The following SDK1 variants were observed in gnomAD, a reference collection of about 807,000 sequenced individuals.
SDK1 encodes the protein sidekick cell adhesion molecule 1, also known as protein sidekick-1.
A neutral mutation model predicts 245.5 loss-of-function variants in SDK1; 157 were observed. The ratio of observed to expected loss-of-function variants is 0.64; its 90% CI spans 0.56 to 0.73. The LOEUF (loss-of-function observed/expected upper bound fraction) is 0.73. SDK1 is among the 30% of genes least tolerant of loss of function. The probability of loss-of-function intolerance (pLI) is 0.00; values close to 1 mark genes in which losing one functional copy is unlikely to be tolerated. For missense variants in SDK1, 3,583 were observed against 3,002.3 expected, an observed-to-expected ratio of 1.19 and a Z score of -4.52; for synonymous variants, 1,647 against 1,278.5, an observed-to-expected ratio of 1.29 and a Z score of -6.15.
chr7:3,381,905 C>G (rs1334465917), intron 1 of SDK1, among the ~76,000 whole-genome samples: 1 of 152,104 alleles, frequency 6.6e-6, no homozygotes, highest in African/African-American at 2.4e-5. Flanking sequence ...TTTTAGTTGA[C>G]ATTTTTGAAT....
rs1779900613 is a variant in SDK1 at position 3,831,032 on chromosome 7, C to T, written c.847+9449C>T. On this transcript the variant is annotated intron_variant, in intron 5 of 44. Transcript: ENST00000404826. The stretch of plus-strand genomic sequence containing the variant: ...TCATTGAAGTACTTTGTCTACTCTC[C>T]TTGTCTCTGTAATTGATATGAAAGA... Among the ~76,000 whole-genome samples, 4 of 152,214 alleles carry T rather than the reference C, an allele frequency of 2.6e-5. No individual in the cohort carries two copies. The South Asian group carries it at 8.3e-4, about 32-fold the overall frequency.
intron 1 of SDK1, among the ~76,000 whole-genome samples, chr7:3,425,614 A>C (rs144434786): frequency 6.6e-6 from 1 of 152,236 alleles, no homozygotes; most frequent in South Asian, 2.1e-4. Flanking sequence ...ATGGGAATGA[A>C]CAATACAACT....
Position 4,265,831 on chromosome 7 carries a change from C to A in SDK1, c.*447C>A. On this transcript the variant is annotated 3_prime_UTR_variant, in exon 45 of 45. Transcript: ENST00000404826. ...TCTTCCAGAGAACCAGCGGCTCACA[C>A]CCTTCTCAACGCAGGACATCCTCGG... 1 of 995,980 alleles carries A rather than the reference C, an allele frequency of 1.0e-6. No individual in the cohort carries two copies. The highest frequency in any genetic ancestry group is 4.6e-5 in the South Asian group (1 of 21,574). 61.7% of individuals were successfully genotyped at this position (995,980 alleles called of 1,614,324 possible).
chr7:3,797,309 C>T (rs888879913), intron 4 of SDK1, among the ~76,000 whole-genome samples: 1 of 151,568 alleles, frequency 6.6e-6, no homozygotes, highest in Non-Finnish European at 1.5e-5. Flanking sequence ...AAAGGTTCAT[C>T]TTTTCCTGTT....
In SDK1 at chr7:4,264,303, G is replaced by A. The variant is rs1412528776; in HGVS notation, c.6382-821G>A. On this transcript the variant is annotated intron_variant, in intron 44 of 44. Coordinates refer to ENST00000404826, the MANE Select transcript of SDK1 (RefSeq NM_152744.4). ...GACCTCTCCTGAGTGGGGAGGCCGT[G>A]TAGACCTCTCCTGAGTGAGGGAGGC... Among the ~76,000 whole-genome samples the A allele has an allele frequency of 3.0e-5, 4 of 133,564 alleles. 1 individual carries two copies. The highest frequency in any genetic ancestry group is 8.7e-5 in the African/African-American group (3 of 34,656). The allele number at this position is 133,564 out of a possible 152,430, so 87.6% of individuals were successfully genotyped here. A position where few individuals can be genotyped will look rare whatever the true frequency, so the allele number is the denominator to read the frequency against.
At chr7:3,433,541 C>G (rs923625524) in intron 1 of SDK1, among the ~76,000 whole-genome samples, 4 of 152,084 alleles carry the variant, frequency 2.6e-5, no homozygotes, top group African/African-American at 4.8e-5. Context: ...ATTTCTTCTT[C>G]CTCTTCCTTA....
chr7:3,774,796 C>G (rs947335257), intron 4 of SDK1, among the ~76,000 whole-genome samples: 6 of 152,078 alleles, frequency 3.9e-5, no homozygotes, highest in Admixed American at 6.5e-5. Context: ...ACTCTTTGTC[C>G]AGCCTTATAA....
At chr7:3,420,940 G>A (rs1228597045) in intron 1 of SDK1, among the ~76,000 whole-genome samples, 1 of 152,048 alleles carries the variant, frequency 6.6e-6, no homozygotes, top group African/African-American at 2.4e-5. Context: ...AGTGTGTGTT[G>A]TTCCCCTCCC....
chr7:3,605,969 C>G (rs1011328033), intron 1 of SDK1, among the ~76,000 whole-genome samples: 1 of 151,880 alleles, frequency 6.6e-6, no homozygotes, highest in Non-Finnish European at 1.5e-5. Flanking sequence ...CCAGATGTTA[C>G]TTTTGAAAGA....
intron 2 of SDK1, among the ~76,000 whole-genome samples, chr7:3,631,836 A>AT (rs1782303077): frequency 1.3e-5 from 2 of 152,370 alleles, no homozygotes; most frequent in South Asian, 4.1e-4. Context: ...ACTCTGTAAC[A>AT]TAATTCATTG....
chr7:3,574,362 C>T (rs559683112), intron 1 of SDK1, among the ~76,000 whole-genome samples: 14 of 152,098 alleles, frequency 9.2e-5, no homozygotes, highest in South Asian at 6.2e-4. Flanking sequence ...ATGATTCGCC[C>T]GCCTCAGCTT....
intron 5 of SDK1, among the ~76,000 whole-genome samples, chr7:3,903,496 C>A (rs1162735929): frequency 1.3e-5 from 2 of 152,094 alleles, no homozygotes; most frequent in African/African-American, 2.4e-5. Flanking sequence ...GAAGTAGATA[C>A]ATTTTAACCC....
intron 1 of SDK1, among the ~76,000 whole-genome samples, chr7:3,508,113 C>T (rs1782453171): frequency 6.6e-6 from 1 of 152,066 alleles, no homozygotes; most frequent in African/African-American, 2.4e-5. Context: ...GGGTGTTGTC[C>T]ATTGTCCTTG....
chr7:4,124,439 T>C (rs1584213021), intron 25 of SDK1, among the ~76,000 whole-genome samples: 1 of 152,124 alleles, frequency 6.6e-6, no homozygotes, highest in African/African-American at 2.4e-5. Context: ...TGTGTGTCTG[T>C]CTCCTCCCAT....
chr7:3,422,147 G>C (rs1323501543), intron 1 of SDK1, among the ~76,000 whole-genome samples: 2 of 152,126 alleles, frequency 1.3e-5, no homozygotes, highest in African/African-American at 4.8e-5. Flanking sequence ...AGACAATTCT[G>C]TATCCAATTA....
chr7:4,144,986 A>G (rs1779861030), intron 28 of SDK1, among the ~76,000 whole-genome samples: 1 of 152,172 alleles, frequency 6.6e-6, no homozygotes, highest in Admixed American at 6.5e-5. Context: ...AGGTTCCTCC[A>G]GATGCCAGCG....
At chr7:3,830,929 G>A (rs1363353549) in intron 5 of SDK1, among the ~76,000 whole-genome samples, 1 of 152,172 alleles carries the variant, frequency 6.6e-6, no homozygotes, top group Non-Finnish European at 1.5e-5. Flanking sequence ...ACATTTCAGA[G>A]TATGTAATAT....
chr7:3,653,993 C>T (rs1783083786), intron 4 of SDK1, among the ~76,000 whole-genome samples: 1 of 152,048 alleles, frequency 6.6e-6, no homozygotes, highest in African/African-American at 2.4e-5. Flanking sequence ...TGCCGCCCCT[C>T]AAAAAAGGTA....
intron 4 of SDK1, among the ~76,000 whole-genome samples, chr7:3,738,685 G>C (rs1219087336): frequency 1.3e-5 from 2 of 152,076 alleles, no homozygotes; most frequent in African/African-American, 4.8e-5. Context: ...CTTTCCATTT[G>C]TGTCTTCTTT....
Sources: gnomAD v4.1 joint callset for allele counts (sites outside exome capture counted in the v4.1 genomes callset) on GRCh38, gnomAD v4.1.1 for gene constraint, MANE v1.5 for transcripts, NCBI Gene and HGNC (gene_info 2026-07-23, HGNC 2026-07-21) for gene names.